Variants in PHKB observed in about 807,000 individuals in gnomAD.
PHKB encodes the protein phosphorylase b kinase regulatory subunit beta.
PHKB carries 122 observed loss-of-function variants against 152.1 expected under a neutral mutation model. That is an observed-to-expected ratio of 0.80 (90% CI 0.69 to 0.93). PHKB has a LOEUF of 0.93. Among genes scored for constraint, PHKB ranks in the 40% least tolerant of loss-of-function variants. The probability of loss-of-function intolerance (pLI) is 0.00; values close to 1 mark genes in which losing one functional copy is unlikely to be tolerated. For missense variants in PHKB, 1,304 were observed against 1,328.4 expected, an observed-to-expected ratio of 0.98 and a Z score of 0.29; for synonymous variants, 436 against 464.9, an observed-to-expected ratio of 0.94 and a Z score of 0.80.
intron 26 of PHKB, among the ~76,000 whole-genome samples, chr16:47,678,123 T>C (rs1390952192): frequency 6.6e-6 from 1 of 152,122 alleles, no homozygotes; most frequent in African/African-American, 2.4e-5. Flanking sequence ...GGCTGCATAG[T>C]ATTCCATGGT....
chr16:47,605,656 A>C (rs1390285071), intron 13 of PHKB, among the ~76,000 whole-genome samples: 1 of 152,214 alleles, frequency 6.6e-6, no homozygotes, highest in African/African-American at 2.4e-5. Context: ...TGAAATTAGT[A>C]CATTAAAGTT....
intron 1 of PHKB, among the ~76,000 whole-genome samples, chr16:47,469,490 A>T (rs900444482): frequency 3.3e-5 from 5 of 152,224 alleles, no homozygotes; most frequent in African/African-American, 1.2e-4. Flanking sequence ...TAAGTGAATT[A>T]ACACAAGAAC....
At position 47,616,748 on chromosome 16, in the gene PHKB, TA is replaced by T. The variant is rs1271703645; in HGVS notation, c.1458+5831del. Among the ~76,000 whole-genome samples the T allele has an allele frequency of 3.3e-5, 5 of 151,342 alleles. No individual in the cohort carries two copies. The East Asian group carries it at 9.7e-4, about 29-fold the overall frequency. On this transcript the variant is annotated intron_variant, in intron 14 of 30. Transcript: ENST00000323584. ...CCTAACCCAGCGGTGCTAGAGGAAT[TA>T]AAGACACACGCACAGAAATATAGAG...
chr16:47,663,877 G>A, intron 24 of PHKB, 143 bp downstream of exon 24: 1 of 686,614 alleles, frequency 1.5e-6, no homozygotes, highest in Non-Finnish European at 2.7e-6. Context: ...TTCTAAGAAT[G>A]TGCCTATGTA....
chr16:47,565,955 C>A, intron 7 of PHKB: 1 of 897,036 alleles, frequency 1.1e-6, no homozygotes, highest in South Asian at 1.6e-5. Flanking sequence ...TATAATCATC[C>A]CAAGAGTAAT....
At chr16:47,557,313 A>C (rs1317776972) in intron 7 of PHKB, among the ~76,000 whole-genome samples, 5 of 152,244 alleles carry the variant, frequency 3.3e-5, no homozygotes, top group Admixed American at 6.5e-5. Flanking sequence ...CATTCAGGAC[A>C]TAGGCATGGG....
chr16:47,660,067 A>G (rs1453017390), intron 20 of PHKB, among the ~76,000 whole-genome samples: 18 of 152,062 alleles, frequency 1.2e-4, no homozygotes, highest in Admixed American at 1.2e-3. Context: ...TTTCACCAGG[A>G]CAGCCAAGAT....
chr16:47,490,558 G>A (rs1597025883), intron 1 of PHKB, among the ~76,000 whole-genome samples: 1 of 152,198 alleles, frequency 6.6e-6, no homozygotes, highest in Non-Finnish European at 1.5e-5. Context: ...CTTTTCTGGA[G>A]GCTCCAGGGG....
chr16:47,620,964 A>C (rs1402437752), intron 14 of PHKB, among the ~76,000 whole-genome samples: 1 of 152,140 alleles, frequency 6.6e-6, no homozygotes, highest in Admixed American at 6.5e-5. Flanking sequence ...ATAAAGTGTA[A>C]AGAATTTTGA....
chr16:47,578,806 G>A (rs1971792673), intron 7 of PHKB, among the ~76,000 whole-genome samples: 1 of 152,164 alleles, frequency 6.6e-6, no homozygotes, highest in Admixed American at 6.5e-5. Flanking sequence ...AGAAGTCTCG[G>A]TTTCTACTCA....
chr16:47,535,839 G>A (rs935755685), intron 6 of PHKB, among the ~76,000 whole-genome samples: 1 of 152,138 alleles, frequency 6.6e-6, no homozygotes, highest in Non-Finnish European at 1.5e-5. Context: ...ATGACATTTG[G>A]ATCTGACTGT....
intron 18 of PHKB, among the ~76,000 whole-genome samples, chr16:47,649,437 A>G (rs1973195385): frequency 6.6e-6 from 1 of 152,210 alleles, no homozygotes; most frequent in African/African-American, 2.4e-5. Context: ...GCCTTTATAC[A>G]AATGAAAAGA....
chr16:47,552,115 A>G (rs1971282406), intron 7 of PHKB, among the ~76,000 whole-genome samples: 1 of 152,152 alleles, frequency 6.6e-6, no homozygotes, highest in Non-Finnish European at 1.5e-5. Context: ...GTCTTTGCAC[A>G]TGAGATGGAT....
At chr16:47,678,612 G>T (rs927309180) in intron 26 of PHKB, among the ~76,000 whole-genome samples, 10 of 151,698 alleles carry the variant, frequency 6.6e-5, no homozygotes, top group African/African-American at 1.2e-4. Flanking sequence ...CTTTTTGATG[G>T]GGTTGTTTGT....
At chr16:47,680,196 T>C (rs906785267) in intron 26 of PHKB, among the ~76,000 whole-genome samples, 1 of 152,242 alleles carries the variant, frequency 6.6e-6, no homozygotes, top group Non-Finnish European at 1.5e-5. Context: ...GGTTTGTGCA[T>C]CAATGTTCAT....
chr16:47,615,030 A>G (rs1029604131), intron 14 of PHKB, among the ~76,000 whole-genome samples: 2 of 152,204 alleles, frequency 1.3e-5, no homozygotes, highest in African/African-American at 4.8e-5. Flanking sequence ...GTTTTACTTC[A>G]GCACTAAGAA....
intron 7 of PHKB, among the ~76,000 whole-genome samples, chr16:47,579,364 T>A (rs913912771): frequency 6.6e-6 from 1 of 152,200 alleles, no homozygotes; most frequent in Non-Finnish European, 1.5e-5. Flanking sequence ...GAAGGCTTTT[T>A]AACACTGATT....
intron 12 of PHKB, 34 bp from the exon 13 acceptor site, chr16:47,596,339 T>G (rs1343304773): frequency 5.6e-6 from 8 of 1,431,662 alleles, no homozygotes; most frequent in Non-Finnish European, 7.9e-6. Context: ...TACAGATTTG[T>G]TATATTTTAA....
chr16:47,644,337 A>G (rs1052529034), intron 16 of PHKB, among the ~76,000 whole-genome samples: 6 of 152,228 alleles, frequency 3.9e-5, no homozygotes, highest in African/African-American at 1.4e-4. Flanking sequence ...GCTCAGGAGA[A>G]CATTCAGTTG....
Sources: allele counts gnomAD v4.1 joint callset (sites outside exome capture counted in the v4.1 genomes callset), GRCh38; gene constraint gnomAD v4.1.1; transcripts MANE v1.5; gene names NCBI Gene and HGNC (gene_info 2026-07-23, HGNC 2026-07-21).